The following LCORL variants were observed in gnomAD, a reference collection of about 807,000 sequenced individuals.
The protein encoded by LCORL is ligand dependent nuclear receptor corepressor like.
In LCORL, 41 loss-of-function variants were observed where a neutral mutation model predicts 141.8. That is an observed-to-expected ratio of 0.29 (90% confidence interval 0.23 to 0.38). The LOEUF is 0.38. Ranked by LOEUF, LCORL falls within the 10% of genes least tolerant of loss-of-function variation. The pLI, the probability that LCORL is intolerant of heterozygous loss-of-function variation, is 1.00. For missense variants in LCORL, 1,759 were observed against 2,035.0 expected (o/e 0.86, Z 2.61); for synonymous variants, 618 against 694.1 (o/e 0.89, Z 1.72).
intron 4 of LCORL, among the ~76,000 whole-genome samples, chr4:17,909,912 A>G (rs1732248613): frequency 6.6e-6 from 1 of 152,164 alleles, no homozygotes; most frequent in Admixed American, 6.5e-5. Context: ...GAATAGTACA[A>G]TGACATAGCT....
chr4:17,876,576 G>T (rs1726946339), exon 7 of LCORL: 1 of 1,230,652 alleles, frequency 8.1e-7, no homozygotes, highest in South Asian at 4.1e-5. Flanking sequence ...GTTTTTTGTT[G>T]TGGATTCGGA....
At chr4:17,993,038 C>A (rs16896213) in intron 1 of LCORL, among the ~76,000 whole-genome samples, 1 of 151,954 alleles carries the variant, frequency 6.6e-6, no homozygotes, top group East Asian at 1.9e-4. Context: ...AAACAAGGAA[C>A]GGCACATTAC....
intron 4 of LCORL, among the ~76,000 whole-genome samples, chr4:17,952,028 C>G (rs1156836153): frequency 6.6e-6 from 1 of 152,198 alleles, no homozygotes; most frequent in East Asian, 1.9e-4. Flanking sequence ...ATTTAAGACA[C>G]TATAATACTA....
At chr4:17,877,355 C>T (rs547109271) in exon 7 of LCORL, 298 of 1,230,222 alleles carry the variant, frequency 2.4e-4, no homozygotes, top group Non-Finnish European at 2.9e-4. Context: ...TTGTCATATC[C>T]GTGGTTTCTA....
chr4:17,997,819 A>C (rs914085548), intron 1 of LCORL, among the ~76,000 whole-genome samples: 3 of 152,208 alleles, frequency 2.0e-5, no homozygotes, highest in Admixed American at 6.5e-5. Context: ...AACAAAGATG[A>C]AAATTTTAAT....
chr4:17,995,854 C>T (rs1173863118), intron 1 of LCORL, among the ~76,000 whole-genome samples: 1 of 152,128 alleles, frequency 6.6e-6, no homozygotes, highest in East Asian at 1.9e-4. Flanking sequence ...GGTTGGAGTC[C>T]ATGATTTGCC....
chr4:18,002,910 A>G (rs1439130589), intron 1 of LCORL, among the ~76,000 whole-genome samples: 1 of 152,204 alleles, frequency 6.6e-6, no homozygotes, highest in Admixed American at 6.5e-5. Context: ...GAATTCACTA[A>G]ACGGAATGTG....
At chr4:17,974,934 C>A (rs939587431) in intron 1 of LCORL, among the ~76,000 whole-genome samples, 22 of 152,034 alleles carry the variant, frequency 1.4e-4, no homozygotes, top group Admixed American at 2.0e-4. Flanking sequence ...CTCTTTCATT[C>A]CTGGTATCAG....
intron 5 of LCORL, among the ~76,000 whole-genome samples, chr4:17,897,552 T>C (rs906904546): frequency 6.6e-6 from 1 of 152,152 alleles, no homozygotes; most frequent in African/African-American, 2.4e-5. Flanking sequence ...TTTCCTTTAA[T>C]TGTTAATTTT....
chr4:18,002,839 T>G (rs962871627), intron 1 of LCORL, among the ~76,000 whole-genome samples: 3 of 152,150 alleles, frequency 2.0e-5, no homozygotes, highest in Admixed American at 6.5e-5. Context: ...GCTTTTGATT[T>G]CTCCAAAGAA....
chr4:17,877,353 T>C, exon 7 of LCORL: 2 of 1,230,506 alleles, frequency 1.6e-6, no homozygotes, highest in Non-Finnish European at 2.0e-6. Context: ...GCTTGTCATA[T>C]CCGTGGTTTC....
intron 4 of LCORL, among the ~76,000 whole-genome samples, chr4:17,940,169 CAT>C (rs1036729929): frequency 9.2e-5 from 9 of 98,010 alleles, no homozygotes; most frequent in South Asian, 5.3e-4. Flanking sequence ...TATATGTATA[CAT>C]GTATATATAT....
At chr4:17,924,789 C>T (rs554704105) in intron 4 of LCORL, among the ~76,000 whole-genome samples, 44 of 152,142 alleles carry the variant, frequency 2.9e-4, no homozygotes, top group Non-Finnish European at 5.7e-4. Flanking sequence ...CATGAAGTAG[C>T]TGGATTGATA....
chr4:17,918,697 A>G (rs1291140736), intron 4 of LCORL, among the ~76,000 whole-genome samples: 5 of 152,222 alleles, frequency 3.3e-5, no homozygotes, highest in Non-Finnish European at 7.3e-5. Flanking sequence ...CAAGTAGGTG[A>G]ACAGAGCCTC....
rs1263449313 is a variant in LCORL at position 17,973,403 on chromosome 4, C to T, written c.155-518G>A. ...ACAACAATTTGGTCATTGCTATAGA[C>T]TGCCCTAAATTTTAGGTAAAAAAAA... On this transcript the variant is annotated intron_variant, in intron 1 of 7. Coordinates refer to ENST00000635767, the Ensembl canonical transcript of LCORL. 7.9e-5 allele frequency among the ~76,000 whole-genome samples: 12 copies of T among 151,942 alleles called. No individual in the cohort carries two copies. In the South Asian group the frequency reaches 2.5e-3, roughly 32 times the overall value.
chr4:17,986,268 T>C (rs988863948), intron 1 of LCORL, among the ~76,000 whole-genome samples: 4 of 152,122 alleles, frequency 2.6e-5, no homozygotes, highest in African/African-American at 9.7e-5. Context: ...CTTTCAGGGG[T>C]TCTCTGTATC....
At chr4:17,970,921 A>G (rs978843776) in intron 2 of LCORL, among the ~76,000 whole-genome samples, 3 of 152,186 alleles carry the variant, frequency 2.0e-5, no homozygotes, top group African/African-American at 7.2e-5. Context: ...AATTTATAAT[A>G]TTGGATAAAG....
chr4:17,939,927 TG>T (rs1013784278), intron 4 of LCORL, among the ~76,000 whole-genome samples: 4 of 149,828 alleles, frequency 2.7e-5, no homozygotes, highest in African/African-American at 9.9e-5. Flanking sequence ...TACCTACATA[TG>T]TATATGTACT....
Position 17,939,912 on chromosome 4 carries a change from A to G in LCORL, c.430+21991T>C, listed in dbSNP as rs887662585. Among the ~76,000 whole-genome samples, 34 of 150,872 alleles carry G rather than the reference A, an allele frequency of 2.3e-4. 1 individual carries two copies. Among genetic ancestry groups the G allele is most frequent in the Middle Eastern group, 7.0e-3 (2 of 284 alleles). On this transcript the variant is annotated intron_variant, in intron 4 of 7. Coordinates refer to ENST00000635767, the Ensembl canonical transcript of LCORL. ...CACACACATATATGTATATATACAT[A>G]TATGTACCTACATATGTATATGTAC... is the stretch of plus-strand genomic sequence containing the variant.
Sources: gnomAD v4.1 joint callset for allele counts (sites outside exome capture counted in the v4.1 genomes callset) on GRCh38, gnomAD v4.1.1 for gene constraint, MANE v1.5 for transcripts, NCBI Gene and HGNC (gene_info 2026-07-23, HGNC 2026-07-21) for gene names.